The following BNC2 variants were observed in gnomAD, a reference collection of about 807,000 sequenced individuals.
The protein encoded by BNC2 is zinc finger protein basonuclin-2.
BNC2 carries 20 observed loss-of-function variants against 76.3 expected under a neutral mutation model. The ratio of observed to expected loss-of-function variants is 0.26; its 90% confidence interval spans 0.18 to 0.38. The LOEUF (loss-of-function observed/expected upper bound fraction) is 0.38, where lower values mean the gene tolerates loss of function less well. Ranked by LOEUF, BNC2 falls within the 10% of genes least tolerant of loss-of-function variation. The pLI is 1.00. For synonymous variants in BNC2, 582 were observed against 514.8 expected (o/e 1.13, Z -1.77); for missense variants, 1,382 against 1,399.8 (o/e 0.99, Z 0.20).
At chr9:16,592,513 T>C (rs1819957865) in intron 3 of BNC2, among the ~76,000 whole-genome samples, 1 of 152,156 alleles carries the variant, frequency 6.6e-6, no homozygotes, top group Non-Finnish European at 1.5e-5. Flanking sequence ...AGTAGATTAG[T>C]GGCTGCCTTG....
chr9:16,563,593 A>C (rs1023135757), intron 4 of BNC2, among the ~76,000 whole-genome samples: 6 of 152,212 alleles, frequency 3.9e-5, no homozygotes, highest in Non-Finnish European at 7.3e-5. Flanking sequence ...CAAACCAATC[A>C]AGTGCTGTGT....
chr9:16,828,316 C>T (rs1444831129), intron 1 of BNC2, among the ~76,000 whole-genome samples: 3 of 152,132 alleles, frequency 2.0e-5, no homozygotes, highest in African/African-American at 4.8e-5. Context: ...GCAAACAACA[C>T]ATTATATTTA....
chr9:16,626,663 G>A (rs1043214596), intron 3 of BNC2, among the ~76,000 whole-genome samples: 1 of 151,902 alleles, frequency 6.6e-6, no homozygotes, highest in Non-Finnish European at 1.5e-5. Flanking sequence ...CCTAGCCTAC[G>A]AAACGTAAAA....
chr9:16,684,116 C>T (rs1822907690), intron 3 of BNC2, among the ~76,000 whole-genome samples: 1 of 152,070 alleles, frequency 6.6e-6, no homozygotes, highest in Non-Finnish European at 1.5e-5. Flanking sequence ...TACACACTCA[C>T]ATCTGCAAAA....
intron 5 of BNC2, among the ~76,000 whole-genome samples, chr9:16,544,093 A>G (rs1818402074): frequency 6.6e-6 from 1 of 152,128 alleles, no homozygotes; most frequent in African/African-American, 2.4e-5. Flanking sequence ...GTATCAAATA[A>G]TCCCCCCTTT....
chr9:16,464,155 G>C (rs1173945917), intron 5 of BNC2, among the ~76,000 whole-genome samples: 1 of 150,818 alleles, frequency 6.6e-6, no homozygotes, highest in African/African-American at 2.4e-5. Flanking sequence ...GGAGGAGCTA[G>C]TAGTAGACCC....
chr9:16,678,267 CTTTTTTTTT>C lies in BNC2; in HGVS notation c.330+49521_330+49529del, dbSNP rs140809930. ...ACTTGTAACTGTTTTCTTTCTTTTT[CTTTTTTTTT>C]TTTTTTTTTTTTTTTTTTTTGAGAC... On this transcript the variant is annotated intron_variant, in intron 3 of 6. Coordinates refer to ENST00000380672, the MANE Select transcript of BNC2 (RefSeq NM_017637.6). Among the ~76,000 whole-genome samples the C allele has an allele frequency of 3.5e-4, 28 of 80,732 alleles. 2 individuals carry two copies. In the East Asian group the frequency reaches 3.8e-3, roughly 11 times the overall value. The allele number at this position is 80,732 out of a possible 152,430, so 53.0% of individuals were successfully genotyped here. A position where few individuals can be genotyped will look rare whatever the true frequency, so the allele number is the denominator to read the frequency against.
At chr9:16,714,152 T>C (rs1182541812) in intron 3 of BNC2, among the ~76,000 whole-genome samples, 1 of 152,242 alleles carries the variant, frequency 6.6e-6, no homozygotes, top group Non-Finnish European at 1.5e-5. Flanking sequence ...CCACTTCGTC[T>C]GTGTTACCTT....
At chr9:16,427,462 T>G (rs555738954) in intron 6 of BNC2, among the ~76,000 whole-genome samples, 1 of 152,214 alleles carries the variant, frequency 6.6e-6, no homozygotes, top group Non-Finnish European at 1.5e-5. Flanking sequence ...TTGAAGGCAA[T>G]CCTTCTCTTG....
intron 5 of BNC2, among the ~76,000 whole-genome samples, chr9:16,493,913 A>C (rs1413020365): frequency 6.6e-6 from 1 of 152,162 alleles, no homozygotes; most frequent in Non-Finnish European, 1.5e-5. Flanking sequence ...AGATGTGGGC[A>C]TGTAGGACAT....
chr9:16,514,859 C>T (rs1003218156), intron 5 of BNC2, among the ~76,000 whole-genome samples: 2 of 152,194 alleles, frequency 1.3e-5, no homozygotes, highest in Non-Finnish European at 2.9e-5. Context: ...CCATTTCTTT[C>T]TTCATTGCTA....
intron 1 of BNC2, among the ~76,000 whole-genome samples, chr9:16,866,456 G>T (rs577522995): frequency 1.3e-5 from 2 of 151,840 alleles, no homozygotes; most frequent in African/African-American, 4.8e-5. Flanking sequence ...ACTTTTAATA[G>T]AACTCTGAAG....
chr9:16,437,118 G>C lies in BNC2; in HGVS notation c.1076C>G (p.Thr359Ser), dbSNP rs755903868. 5 of 1,614,052 alleles carry C rather than the reference G, an allele frequency of 3.1e-6. No individual in the cohort carries two copies. The Admixed American group carries it at 6.7e-5, about 22-fold the overall frequency. Residue 359 changes from threonine to serine, a missense_variant, in exon 6 of 7, where the codon ACT (threonine) becomes AGT (serine). Around this residue, in one of 3 missense-constraint regions of BNC2, gnomAD observed 557 missense variants for 540.9 expected, o/e 1.03. Transcript: ENST00000380672. The stretch of plus-strand genomic sequence containing the variant: ...GCTGCTCTCATTATATTCATTCTGA[G>C]TTGAAAGGCTGGGTTCCCGCAGCCT... ...GLRLREPSLS[T>S]QNEYNESSES...
At chr9:16,575,266 C>G in intron 4 of BNC2, 1 of 985,408 alleles carries the variant, frequency 1.0e-6, no homozygotes, top group Non-Finnish European at 1.2e-6. Flanking sequence ...GCCTCCCATT[C>G]ATTCACCCGA....
intron 5 of BNC2, among the ~76,000 whole-genome samples, chr9:16,499,870 T>C (rs1822482658): frequency 1.3e-5 from 2 of 152,066 alleles, no homozygotes; most frequent in African/African-American, 4.8e-5. Flanking sequence ...TTGGTTCTCC[T>C]GGCTAAGAAA....
At chr9:16,717,050 A>T (rs1824013195) in intron 3 of BNC2, among the ~76,000 whole-genome samples, 1 of 152,232 alleles carries the variant, frequency 6.6e-6, no homozygotes, top group South Asian at 2.1e-4. Context: ...AGTCTTAGGT[A>T]GGCCTGAATG....
At chr9:16,585,148 C>T (rs1819733572) in intron 3 of BNC2, among the ~76,000 whole-genome samples, 1 of 152,066 alleles carries the variant, frequency 6.6e-6, no homozygotes, top group African/African-American at 2.4e-5. Context: ...AGCACACTTT[C>T]ATCAACTTTA....
intron 5 of BNC2, among the ~76,000 whole-genome samples, chr9:16,523,889 G>A (rs546406323): frequency 1.3e-5 from 2 of 152,262 alleles, no homozygotes; most frequent in South Asian, 2.1e-4. Context: ...TCGTCCAGGA[G>A]GCAGAGATTG....
intron 3 of BNC2, among the ~76,000 whole-genome samples, chr9:16,678,267 CTTTTTTTTTTTTTTT>C (rs140809930): frequency 6.2e-5 from 5 of 80,720 alleles, no homozygotes; most frequent in African/African-American, 1.7e-4. Flanking sequence ...CTTTCTTTTT[CTTTTTTTTTTTTTTT>C]TTTTTTTTTT....
Sources: allele counts gnomAD v4.1 joint callset (sites outside exome capture counted in the v4.1 genomes callset), GRCh38; gene constraint gnomAD v4.1.1; regional missense constraint gnomAD v4.1.1; transcripts MANE v1.5; gene names NCBI Gene and HGNC (gene_info 2026-07-23, HGNC 2026-07-21).